PIBF1: variants seen among roughly 807,000 people sequenced by gnomAD.
PIBF1 encodes the protein progesterone immunomodulatory binding factor 1, also known as progesterone-induced-blocking factor 1.
In PIBF1, 90 loss-of-function variants were observed where a neutral mutation model predicts 112.5. That is an observed-to-expected ratio of 0.80 (90% CI 0.67 to 0.95). The LOEUF (loss-of-function observed/expected upper bound fraction) is 0.95, where lower values mean the gene tolerates loss of function less well. PIBF1 is among the 40% of genes least tolerant of loss of function. The probability of loss-of-function intolerance (pLI) is 0.00; values close to 1 mark genes in which losing one functional copy is unlikely to be tolerated. For synonymous variants in PIBF1, 301 were observed against 288.6 expected (o/e 1.04, Z -0.44); for missense variants, 915 against 852.3 (o/e 1.07, Z -0.92).
chr13:73,015,929 TG>T lies in PIBF1; in HGVS notation c.*13del, dbSNP rs1165520476. On this transcript the variant is annotated 3_prime_UTR_variant, in exon 18 of 18. Transcript: ENST00000326291. ...AAAGATGAAGACCTAGTGTTTTGGA[TG>T]GGAAGCACCTGTAGACCATTATATA... 1.3e-6 allele frequency: 2 copies of T among 1,575,948 alleles called. No individual in the cohort carries two copies. Among genetic ancestry groups the T allele is most frequent in the Non-Finnish European group, 1.7e-6 (2 of 1,155,692 alleles).
At position 72,998,958 on chromosome 13, in the gene PIBF1, A is replaced by G; in HGVS notation, c.2186A>G (p.His729Arg). ...AAGACTTTGAATGTGCCTAAAGAGC[A>G]TGAAGACAATATATTTACACCTAAA... Reference protein sequence around the residue: ...KSKTLNVPKEHEDNIFTPKPT... With the variant: ...KSKTLNVPKEREDNIFTPKPT... The change falls in exon 17 of 18, where the codon CAT (histidine) becomes CGT (arginine). Residue 729 changes from histidine to arginine, a missense_variant. Transcript: ENST00000326291. 2 of 1,609,892 alleles carry G rather than the reference A, an allele frequency of 1.2e-6. No individual in the cohort carries two copies. Among genetic ancestry groups the G allele is most frequent in the Non-Finnish European group, 1.7e-6 (2 of 1,177,388 alleles).
intron 14 of PIBF1, among the ~76,000 whole-genome samples, chr13:72,958,409 A>G (rs1161476931): frequency 6.6e-6 from 1 of 151,590 alleles, no homozygotes; most frequent in Non-Finnish European, 1.5e-5. Flanking sequence ...CATCACTTCC[A>G]TGCTGGTTAC....
chr13:72,923,093 A>G (rs1038746396), intron 13 of PIBF1, among the ~76,000 whole-genome samples: 7 of 152,204 alleles, frequency 4.6e-5, no homozygotes, highest in African/African-American at 1.7e-4. Flanking sequence ...CAAATAACTA[A>G]TATAGCTAAT....
chr13:72,955,220 T>C (rs987215195), intron 14 of PIBF1, among the ~76,000 whole-genome samples: 3 of 152,232 alleles, frequency 2.0e-5, no homozygotes, highest in African/African-American at 4.8e-5. Flanking sequence ...TAGCTCTGTG[T>C]CTAACCTTGC....
At chr13:72,865,143 G>A (rs1253434761) in intron 10 of PIBF1, among the ~76,000 whole-genome samples, 2 of 151,990 alleles carry the variant, frequency 1.3e-5, no homozygotes, top group East Asian at 1.9e-4. Context: ...GTCCTTTTAT[G>A]GATAGAAGAT....
chr13:72,895,756 G>A (rs1287373843), intron 11 of PIBF1, among the ~76,000 whole-genome samples: 1 of 152,108 alleles, frequency 6.6e-6, no homozygotes, highest in African/African-American at 2.4e-5. Context: ...GCTCCAGATC[G>A]ACTGCAAGAA....
chr13:72,898,694 A>AT (rs71099766), intron 11 of PIBF1, among the ~76,000 whole-genome samples: 2,690 of 151,026 alleles, frequency 0.018, 38 homozygotes, highest in Non-Finnish European at 0.03. Flanking sequence ...AAAAAAAAAA[A>AT]AAAATAAAGC....
chr13:72,853,025 T>C (rs554453965), intron 9 of PIBF1, among the ~76,000 whole-genome samples: 146 of 151,900 alleles, frequency 9.6e-4, no homozygotes, highest in African/African-American at 3.3e-3. Context: ...TTACATTCTT[T>C]TTATTTATGT....
At chr13:72,985,517 G>A (rs376793392) in intron 16 of PIBF1, among the ~76,000 whole-genome samples, 19 of 151,774 alleles carry the variant, frequency 1.3e-4, no homozygotes, top group Admixed American at 5.2e-4. Context: ...GCACTCCAGC[G>A]TGGGCAACAG....
At chr13:72,850,083 T>C (rs901683822) in intron 9 of PIBF1, among the ~76,000 whole-genome samples, 2 of 152,248 alleles carry the variant, frequency 1.3e-5, no homozygotes, top group East Asian at 1.9e-4. Flanking sequence ...CTATTTCTTA[T>C]AAGGAATTAT....
intron 13 of PIBF1, among the ~76,000 whole-genome samples, chr13:72,927,233 T>C (rs1194355721): frequency 6.6e-6 from 1 of 151,982 alleles, no homozygotes; most frequent in Non-Finnish European, 1.5e-5. Flanking sequence ...TGTCCGGGCG[T>C]GGTGGCTCAC....
intron 10 of PIBF1, among the ~76,000 whole-genome samples, chr13:72,856,069 C>T (rs1024379610): frequency 6.6e-6 from 1 of 152,126 alleles, no homozygotes; most frequent in Admixed American, 6.6e-5. Flanking sequence ...TAACCTAAAT[C>T]CTTCTTATCC....
At chr13:72,834,616 C>A (rs1017006066) in intron 8 of PIBF1, among the ~76,000 whole-genome samples, 4 of 151,956 alleles carry the variant, frequency 2.6e-5, no homozygotes, top group Non-Finnish European at 5.9e-5. Context: ...AAGGCATTAT[C>A]TCTTTAAGAA....
Position 72,987,845 on chromosome 13 carries a change from TATTTATTTA to T in PIBF1, c.2050-10976_2050-10968del, listed in dbSNP as rs1437499976. On this transcript the variant is annotated intron_variant, in intron 16 of 17. Coordinates refer to ENST00000326291, the MANE Select transcript of PIBF1 (RefSeq NM_006346.4). Reference sequence around the variant, plus strand: ...TTTTTTTTATTTTTTGTAATTTATTTATTTATTTATTTATTTTTTTTTTTTTTTTTTTTT... The same window carrying T: ...TTTTTTTTATTTTTTGTAATTTATTTTTTATTTTTTTTTTTTTTTTTTTTT... 2.5e-3 allele frequency among the ~76,000 whole-genome samples: 222 copies of T among 89,150 alleles called. 5 individuals are homozygous for T. The highest frequency in any genetic ancestry group is 2.9e-3 in the East Asian group (9 of 3,104). The allele number at this position is 89,150 out of a possible 152,430, so 58.5% of individuals were successfully genotyped here.
In PIBF1 at chr13:72,794,981, T is replaced by C. The variant is rs535176126; in HGVS notation, c.354-378T>C. ...ACCTTATGGTGGTTCAGTGTTACCA[T>C]CTTAAAGAGATATCCTTGAAGTATC... On this transcript the variant is annotated intron_variant, in intron 3 of 17. Coordinates refer to ENST00000326291, the MANE Select transcript of PIBF1 (RefSeq NM_006346.4). 4.6e-5 allele frequency among the ~76,000 whole-genome samples: 7 copies of C among 152,330 alleles called. No individual in the cohort carries two copies. The East Asian group carries it at 1.4e-3, about 29-fold the overall frequency.
intron 10 of PIBF1, among the ~76,000 whole-genome samples, chr13:72,869,047 A>G (rs2039045533): frequency 6.6e-6 from 1 of 152,092 alleles, no homozygotes; most frequent in South Asian, 2.1e-4. Context: ...CCATTGTGGA[A>G]GTCAGTGTGG....
At chr13:72,994,018 A>G (rs1207605014) in intron 16 of PIBF1, among the ~76,000 whole-genome samples, 1 of 152,000 alleles carries the variant, frequency 6.6e-6, no homozygotes, top group Non-Finnish European at 1.5e-5. Context: ...AGGCTAAAGC[A>G]GTAGGATCCC....
At chr13:72,831,654 T>C (rs926516328) in intron 8 of PIBF1, among the ~76,000 whole-genome samples, 35 of 152,208 alleles carry the variant, frequency 2.3e-4, no homozygotes, top group African/African-American at 8.0e-4. Flanking sequence ...TTCTGTTCTT[T>C]TGCATTTGCT....
intron 8 of PIBF1, among the ~76,000 whole-genome samples, chr13:72,831,670 G>T (rs2037121956): frequency 6.6e-6 from 1 of 152,122 alleles, no homozygotes; most frequent in South Asian, 2.1e-4. Context: ...TTGCTGAGGG[G>T]TGTTTTACTT....
Sources: gnomAD v4.1 joint callset for allele counts (sites outside exome capture counted in the v4.1 genomes callset) on GRCh38, gnomAD v4.1.1 for gene constraint, MANE v1.5 for transcripts, NCBI Gene and HGNC (gene_info 2026-07-23, HGNC 2026-07-21) for gene names.